Variants in AGBL4 observed in about 807,000 individuals in gnomAD.
AGBL4 encodes cytosolic carboxypeptidase 6.
In AGBL4, 58 loss-of-function variants were observed where a neutral mutation model predicts 66.4. That is an observed-to-expected ratio of 0.87 (90% confidence interval 0.71 to 1.09). The LOEUF is 1.09. Ranked by LOEUF, AGBL4 falls within the 50% of genes least tolerant of loss-of-function variation. The pLI is 0.00. For synonymous variants in AGBL4, 234 were observed against 222.9 expected (o/e 1.05, Z -0.44); for missense variants, 579 against 631.0 (o/e 0.92, Z 0.88).
chr1:49,507,319 C>A (rs1213609316), intron 3 of AGBL4, among the ~76,000 whole-genome samples: 1 of 151,906 alleles, frequency 6.6e-6, no homozygotes, highest in Non-Finnish European at 1.5e-5. Flanking sequence ...CTACCACAGC[C>A]ACAAGAGAGA....
chr1:49,260,617 G>A (rs1653046368), intron 3 of AGBL4, among the ~76,000 whole-genome samples: 2 of 152,104 alleles, frequency 1.3e-5, no homozygotes, highest in South Asian at 4.1e-4. Context: ...GGAAGAAGTT[G>A]AATCTCTGAA....
At chr1:48,941,123 T>C (rs901737940) in intron 5 of AGBL4, among the ~76,000 whole-genome samples, 3 of 152,182 alleles carry the variant, frequency 2.0e-5, no homozygotes, top group Non-Finnish European at 2.9e-5. Flanking sequence ...GAAGCAGCCA[T>C]GGACCCTGAA....
intron 3 of AGBL4, among the ~76,000 whole-genome samples, chr1:49,399,794 G>C (rs1325874365): frequency 6.6e-6 from 1 of 151,840 alleles, no homozygotes; most frequent in Non-Finnish European, 1.5e-5. Context: ...TCATTATCTG[G>C]GTTGTCTCTT....
chr1:49,758,256 G>A (rs1439980858), intron 2 of AGBL4, among the ~76,000 whole-genome samples: 3 of 152,176 alleles, frequency 2.0e-5, no homozygotes, highest in Non-Finnish European at 4.4e-5. Flanking sequence ...GGATGTCCAG[G>A]CAGAACTTTT....
chr1:49,997,869 A>C (rs1485341010), intron 1 of AGBL4, among the ~76,000 whole-genome samples: 1 of 152,188 alleles, frequency 6.6e-6, no homozygotes, highest in Non-Finnish European at 1.5e-5. Flanking sequence ...CTCAGACCAC[A>C]GTAGAATAAA....
At chr1:49,277,275 T>A (rs896007416) in intron 3 of AGBL4, among the ~76,000 whole-genome samples, 1 of 152,178 alleles carries the variant, frequency 6.6e-6, no homozygotes, top group East Asian at 1.9e-4. Flanking sequence ...TATTTTTTGA[T>A]CAATTGTTAT....
chr1:48,587,157 A>T lies in AGBL4; in HGVS notation c.1114T>A (p.Ser372Thr). 1 of 1,553,310 alleles carries T rather than the reference A, an allele frequency of 6.4e-7. No homozygotes were observed. The highest frequency in any genetic ancestry group is 8.7e-7 in the Non-Finnish European group (1 of 1,148,110). ...NAEDFSYSST[S>T]FNRDAVKAGT... Reference sequence around the variant, plus strand: ...GCTTTCACAGCGTCCCGGTTAAAGGATGTGCTGGACTGTGAAAGACAGAGT... The same window carrying T: ...GCTTTCACAGCGTCCCGGTTAAAGGTTGTGCTGGACTGTGAAAGACAGAGT... Residue 372 changes from serine to threonine, a missense_variant, in exon 11 of 14, where the codon TCC (serine) becomes ACC (threonine). Ser to Thr is a moderately conservative substitution (Grantham distance 58). Coordinates refer to ENST00000371839, the MANE Select transcript of AGBL4 (RefSeq NM_032785.4).
intron 3 of AGBL4, among the ~76,000 whole-genome samples, chr1:49,639,194 C>G (rs1571226447): frequency 6.6e-6 from 1 of 152,182 alleles, no homozygotes; most frequent in Admixed American, 6.5e-5. Context: ...CCAGGCATAA[C>G]ACCAATAACA....
At chr1:48,583,055 G>A (rs554756467) in intron 11 of AGBL4, among the ~76,000 whole-genome samples, 4 of 152,140 alleles carry the variant, frequency 2.6e-5, no homozygotes, top group Admixed American at 2.6e-4. Flanking sequence ...ATGATACTAG[G>A]AAGGGGGCAC....
intron 3 of AGBL4, among the ~76,000 whole-genome samples, chr1:49,512,731 C>A (rs1455773035): frequency 6.6e-6 from 1 of 151,802 alleles, no homozygotes; most frequent in Non-Finnish European, 1.5e-5. Context: ...TCATGCATTT[C>A]TTTATAGCAA....
At chr1:49,030,611 G>C (rs1664130654) in intron 5 of AGBL4, among the ~76,000 whole-genome samples, 3 of 151,950 alleles carry the variant, frequency 2.0e-5, no homozygotes. Flanking sequence ...GAAAGGAAGG[G>C]ATCTAGGTTG....
intron 1 of AGBL4, among the ~76,000 whole-genome samples, chr1:49,880,595 G>A (rs1299893114): frequency 6.6e-6 from 1 of 151,938 alleles, no homozygotes; most frequent in Non-Finnish European, 1.5e-5. Context: ...AGTCTGCAGA[G>A]GTTACTGCTG....
At chr1:48,963,794 G>C (rs992643265) in intron 5 of AGBL4, among the ~76,000 whole-genome samples, 4 of 152,146 alleles carry the variant, frequency 2.6e-5, no homozygotes, top group African/African-American at 9.7e-5. Context: ...CTTATTAGCT[G>C]ACTTAGTAAT....
At chr1:48,726,184 A>AT (rs1374707457) in intron 6 of AGBL4, among the ~76,000 whole-genome samples, 1 of 152,158 alleles carries the variant, frequency 6.6e-6, no homozygotes, top group Non-Finnish European at 1.5e-5. Flanking sequence ...ATATCATAGC[A>AT]TTTTTATTGT....
intron 4 of AGBL4, among the ~76,000 whole-genome samples, chr1:49,240,523 G>A (rs1651139273): frequency 2.7e-5 from 4 of 148,228 alleles, no homozygotes; most frequent in African/African-American, 9.9e-5. Context: ...AAAAGACTTC[G>A]CTCTTTGGTT....
intron 3 of AGBL4, among the ~76,000 whole-genome samples, chr1:49,579,634 G>A (rs2148881567): frequency 6.6e-6 from 1 of 152,144 alleles, no homozygotes; most frequent in Admixed American, 6.5e-5. Context: ...CGAGTAGCTG[G>A]GACTACAGGC....
chr1:48,996,754 T>C (rs920359370), intron 5 of AGBL4, among the ~76,000 whole-genome samples: 6 of 152,060 alleles, frequency 3.9e-5, no homozygotes, highest in African/African-American at 1.4e-4. Flanking sequence ...AATTTTGGTA[T>C]GAAGTAGAGA....
rs560750683 is a variant in AGBL4 at position 49,940,379 on chromosome 1, C to T, written c.34+83384G>A. On this transcript the variant is annotated intron_variant, in intron 1 of 13. Coordinates refer to ENST00000371839, the MANE Select transcript of AGBL4 (RefSeq NM_032785.4). ...TATACCCAAAGGACTATAAATCATG[C>T]TGCTATAAAGACACATGCACACATA... Among the ~76,000 whole-genome samples the T allele has an allele frequency of 6.2e-3, 940 of 152,262 alleles. 16 individuals are homozygous for T. The highest frequency in any genetic ancestry group is 0.022 in the African/African-American group (909 of 41,530).
intron 8 of AGBL4, among the ~76,000 whole-genome samples, chr1:48,644,550 GA>G (rs1281705079): frequency 1.3e-5 from 2 of 152,040 alleles, no homozygotes; most frequent in Non-Finnish European, 2.9e-5. Flanking sequence ...GCAGGAGAGG[GA>G]AAAAAGAAGA....
Sources: gnomAD v4.1 joint callset for allele counts (sites outside exome capture counted in the v4.1 genomes callset) on GRCh38, gnomAD v4.1.1 for gene constraint, MANE v1.5 for transcripts, NCBI Gene and HGNC (gene_info 2026-07-23, HGNC 2026-07-21) for gene names.